PIK3R1: variants seen among roughly 807,000 people sequenced by gnomAD.
PIK3R1 encodes phosphatidylinositol 3-kinase regulatory subunit alpha.
Under a neutral mutation model 98.0 loss-of-function variants are expected in PIK3R1, and 29 were observed. The observed-to-expected ratio is 0.30, with a 90% confidence interval of 0.22 to 0.40. The LOEUF (loss-of-function observed/expected upper bound fraction) is 0.40. PIK3R1 is among the 10% of genes least tolerant of loss of function. The pLI is 1.00. For missense variants in PIK3R1, 596 were observed against 872.7 expected, an observed-to-expected ratio of 0.68 and a Z score of 3.99; for synonymous variants, 282 against 311.8, an observed-to-expected ratio of 0.90 and a Z score of 1.01.
At chr5:68,274,258 A>T (rs1731093521) in intron 4 of PIK3R1, among the ~76,000 whole-genome samples, 1 of 152,200 alleles carries the variant, frequency 6.6e-6, no homozygotes, top group Non-Finnish European at 1.5e-5. Context: ...CATCATAGCC[A>T]TCAGGCCCTG....
chr5:68,227,371 A>G (rs905754464), intron 2 of PIK3R1, among the ~76,000 whole-genome samples: 3 of 152,116 alleles, frequency 2.0e-5, no homozygotes, highest in Admixed American at 2.0e-4. Flanking sequence ...ATGCTGAAAA[A>G]CCCAAAATTT....
chr5:68,288,455 C>CCGGCCG, intron 7 of PIK3R1: 7 of 1,285,140 alleles, frequency 5.4e-6, no homozygotes, highest in Non-Finnish European at 6.9e-6. Context: ...CAATGAGGAG[C>CCGGCCG]CGGCAGTGAG....
At chr5:68,284,176 C>A (rs1746978677) in intron 7 of PIK3R1, among the ~76,000 whole-genome samples, 2 of 152,176 alleles carry the variant, frequency 1.3e-5, no homozygotes, top group Admixed American at 1.3e-4. Context: ...CTGATAATTT[C>A]TCTGCTATCT....
intron 2 of PIK3R1, among the ~76,000 whole-genome samples, chr5:68,241,287 A>G (rs1486042202): frequency 1.3e-5 from 2 of 152,096 alleles, no homozygotes; most frequent in African/African-American, 4.8e-5. Flanking sequence ...GTAAAACCCC[A>G]GTGCATGTTC....
At chr5:68,273,269 A>G (rs1397146811) in intron 2 of PIK3R1, 121 bp from the exon 3 acceptor site, 2 of 895,604 alleles carry the variant, frequency 2.2e-6, no homozygotes, top group Non-Finnish European at 3.7e-6. Flanking sequence ...GCAAAAGCCC[A>G]GAGCAGGGGT....
At chr5:68,247,824 T>C (rs974548864) in intron 2 of PIK3R1, among the ~76,000 whole-genome samples, 13 of 152,162 alleles carry the variant, frequency 8.5e-5, no homozygotes, top group African/African-American at 3.1e-4. Flanking sequence ...AGTGGTGACG[T>C]TGGCCTTTGG....
rs1032378405 is a variant in PIK3R1 at position 68,292,832 on chromosome 5, A to G, written c.1020-269A>G. ...AAAACTTAGTACCACAGATACACCA[A>G]TAGTGAAAGTGATATGCACCTGTTT... On this transcript the variant is annotated intron_variant, in intron 8 of 15. Coordinates refer to ENST00000521381, the MANE Select transcript of PIK3R1 (RefSeq NM_181523.3). The G allele has an allele frequency of 7.7e-5, 73 of 943,898 alleles. 1 individual carries two copies. Among genetic ancestry groups the G allele is most frequent in the Middle Eastern group, 7.0e-4 (2 of 2,872 alleles). 58.5% of individuals were successfully genotyped at this position (943,898 alleles called of 1,614,324 possible). A position where few individuals can be genotyped will look rare whatever the true frequency, so the allele number is the denominator to read the frequency against.
At chr5:68,287,715 A>G (rs1408796127) in intron 7 of PIK3R1, among the ~76,000 whole-genome samples, 1 of 152,224 alleles carries the variant, frequency 6.6e-6, no homozygotes, top group Non-Finnish European at 1.5e-5. Flanking sequence ...TAGCTGGCAC[A>G]TAAACCTAAT....
chr5:68,262,026 C>T (rs1418931795), intron 2 of PIK3R1, among the ~76,000 whole-genome samples: 3 of 152,114 alleles, frequency 2.0e-5, no homozygotes, highest in African/African-American at 7.2e-5. Flanking sequence ...TTGCTTTCAC[C>T]TCTGGGCCAT....
chr5:68,298,789 CAAT>C lies in PIK3R1; in HGVS notation c.*1189_*1191del. The C allele has an allele frequency of 4.3e-6, 1 of 230,052 alleles. No homozygotes were observed. Among genetic ancestry groups the C allele is most frequent in the Non-Finnish European group, 8.6e-6 (1 of 116,444 alleles). 14.3% of individuals were successfully genotyped at this position (230,052 alleles called of 1,614,324 possible). ...TATGACAAAGTATTGCTGAGTCCAA[CAAT>C]GTTGTTTTAAGACTCTTAAAATACG... On this transcript the variant is annotated 3_prime_UTR_variant, in exon 16 of 16. Transcript: ENST00000521381.
chr5:68,241,871 C>T (rs559823983), intron 2 of PIK3R1, among the ~76,000 whole-genome samples: 1 of 152,350 alleles, frequency 6.6e-6, no homozygotes, highest in African/African-American at 2.4e-5. Flanking sequence ...GTGATCTTTA[C>T]CCATACACCA....
intron 7 of PIK3R1, chr5:68,288,320 C>G: frequency 3.9e-6 from 3 of 778,216 alleles, no homozygotes; most frequent in Non-Finnish European, 4.8e-6. Flanking sequence ...CCCGAAATCC[C>G]TAGCTCAGCA....
intron 2 of PIK3R1, among the ~76,000 whole-genome samples, chr5:68,250,170 A>G (rs1745249152): frequency 6.6e-6 from 1 of 152,086 alleles, no homozygotes; most frequent in South Asian, 2.1e-4. Flanking sequence ...TCTCCAGCTC[A>G]CTGTGTTTCT....
chr5:68,284,497 C>T (rs58754086), intron 7 of PIK3R1, among the ~76,000 whole-genome samples: 3,051 of 152,316 alleles, frequency 0.02, 77 homozygotes, highest in African/African-American at 0.068. Context: ...GCCTAGGTGC[C>T]TTTGCACAGT....
intron 4 of PIK3R1, among the ~76,000 whole-genome samples, chr5:68,274,859 C>G (rs1053920107): frequency 2.0e-5 from 3 of 152,158 alleles, no homozygotes; most frequent in African/African-American, 7.2e-5. Context: ...TCCCTCATAA[C>G]GCTTAAAAAA....
At chr5:68,236,424 TA>T (rs1744673203) in intron 2 of PIK3R1, among the ~76,000 whole-genome samples, 1 of 149,080 alleles carries the variant, frequency 6.7e-6, no homozygotes, top group Admixed American at 6.8e-5. Context: ...TAATTTTTTG[TA>T]TTTTTTGTAG....
chr5:68,246,686 C>A (rs970558298), intron 2 of PIK3R1, among the ~76,000 whole-genome samples: 1 of 152,110 alleles, frequency 6.6e-6, no homozygotes, highest in Non-Finnish European at 1.5e-5. Flanking sequence ...TGCAGTGGTG[C>A]GATCTTGGCT....
chr5:68,222,660 G>A (rs772327884), intron 1 of PIK3R1, among the ~76,000 whole-genome samples: 3 of 152,150 alleles, frequency 2.0e-5, no homozygotes, highest in Non-Finnish European at 4.4e-5. Context: ...TGGAACTGCC[G>A]AGTTAAAATA....
chr5:68,281,345 A>C (rs372031442), intron 7 of PIK3R1, among the ~76,000 whole-genome samples: 2 of 152,194 alleles, frequency 1.3e-5, no homozygotes, highest in East Asian at 1.9e-4. Flanking sequence ...TAATACTTAC[A>C]AAGTAGGGGA....
Sources: allele counts gnomAD v4.1 joint callset (sites outside exome capture counted in the v4.1 genomes callset), GRCh38; gene constraint gnomAD v4.1.1; transcripts MANE v1.5; gene names NCBI Gene and HGNC (gene_info 2026-07-23, HGNC 2026-07-21).